The following NBEAL2 variants were observed in gnomAD, a reference collection of about 807,000 sequenced individuals.
The protein encoded by NBEAL2 is neurobeachin-like protein 2.
A neutral mutation model predicts 299.8 loss-of-function variants in NBEAL2; 160 were observed. The ratio of observed to expected loss-of-function variants is 0.53; its 90% CI spans 0.47 to 0.61. The LOEUF (loss-of-function observed/expected upper bound fraction) is 0.61. NBEAL2 is among the 20% of genes least tolerant of loss of function. NBEAL2 has a pLI of 0.00. For synonymous variants in NBEAL2, 1,493 were observed against 1,542.3 expected (o/e 0.97, Z 0.75); for missense variants, 3,112 against 3,649.0 (o/e 0.85, Z 3.79).
Position 47,009,527 on chromosome 3 carries a change from C to T in NBEAL2, c.*207C>T. ...GCCCCTCGCCGGCTGAGGGGCCGCC[C>T]TGAGGGCCAGCACTGGCGTCTGCGG... On this transcript the variant is annotated 3_prime_UTR_variant, in exon 54 of 54. Coordinates refer to ENST00000450053, the MANE Select transcript of NBEAL2 (RefSeq NM_015175.3). The T allele has an allele frequency of 3.4e-6, 2 of 591,916 alleles. No individual in the cohort carries two copies. The highest frequency in any genetic ancestry group is 5.9e-6 in the Non-Finnish European group (2 of 336,608). 36.7% of individuals were successfully genotyped at this position (591,916 alleles called of 1,614,324 possible). A position where few individuals can be genotyped will look rare whatever the true frequency, so the allele number is the denominator to read the frequency against.
rs761936137 is a variant in NBEAL2, at chr3:47,004,063, G to A, written c.5882-14G>A. Reference sequence around the variant, plus strand: ...GGGGTGAGTGACTCCCGTACCTGCTGTTCCTCCCCATAGGCATCGGCTATG... The same window carrying A: ...GGGGTGAGTGACTCCCGTACCTGCTATTCCTCCCCATAGGCATCGGCTATG... On this transcript the variant is annotated splice_polypyrimidine_tract_variant and intron_variant, in intron 36 of 53. Transcript: ENST00000450053. The surrounding 1 kb of genome is among the most constrained non-coding windows in gnomAD (Gnocchi z 5.0). 1.9e-6 allele frequency: 3 copies of A among 1,609,392 alleles called. No homozygotes were observed. Among genetic ancestry groups the A allele is most frequent in the South Asian group, 2.2e-5 (2 of 90,858 alleles).
Position 46,991,704 on chromosome 3 carries a change from C to T in NBEAL2, c.925+16C>T. 1.9e-6 allele frequency: 3 copies of T among 1,589,310 alleles called. No homozygotes were observed. The highest frequency in any genetic ancestry group is 2.6e-6 in the Non-Finnish European group (3 of 1,172,948). Reference sequence around the variant, plus strand: ...AGCATGCTCGGTGGGTATGGGCTCCCAGGCTCTTGGGGAAGGGGCACCATG... The same window carrying T: ...AGCATGCTCGGTGGGTATGGGCTCCTAGGCTCTTGGGGAAGGGGCACCATG... On this transcript the variant is annotated intron_variant, in intron 8 of 53. Transcript: ENST00000450053. The surrounding 1 kb of genome is among the most constrained non-coding windows in gnomAD (Gnocchi z 6.2).
At chr3:46,993,805 C>G (rs1157423000) in intron 10 of NBEAL2, 132 bp from the exon 11 acceptor site, 5 of 768,690 alleles carry the variant, frequency 6.5e-6, no homozygotes, top group Middle Eastern at 2.5e-4. Flanking sequence ...GCCTGGTGCT[C>G]TGACAGAGTT....
intron 12 of NBEAL2, 72 bp downstream of exon 12, chr3:46,994,625 G>A: frequency 7.6e-7 from 1 of 1,316,946 alleles, no homozygotes; most frequent in Non-Finnish European, 1.1e-6. Context: ...CAGATGGTGA[G>A]CTCTCCACCC....
chr3:46,994,541 G>T lies in NBEAL2; in HGVS notation c.1284G>T (p.Glu428Asp). Residue 428 changes from glutamate to aspartate, a missense_variant, in exon 12 of 54, where the codon GAG becomes GAT. Coordinates refer to ENST00000450053, the MANE Select transcript of NBEAL2 (RefSeq NM_015175.3). The part of the protein sequence containing the change: ...HGPPTHRLLQ[E>D]LLNMAVEGDH... ...CCCCCACCCATCGGCTGTTGCAAGA[G>T]CTGCTCAACATGGTGAGGGAAGGGG... is the stretch of plus-strand genomic sequence containing the variant. 6.3e-7 allele frequency: 1 copy of T among 1,581,964 alleles called. No individual in the cohort carries two copies. Among genetic ancestry groups the T allele is most frequent in the East Asian group, 2.3e-5 (1 of 43,626 alleles).
Position 46,989,663 on chromosome 3 carries a change from C to A in NBEAL2, c.556+70C>A. On this transcript the variant is annotated intron_variant, in intron 6 of 53. Transcript: ENST00000450053. The surrounding 1 kb of genome is among the most constrained non-coding windows in gnomAD (Gnocchi z 5.5). Reference sequence around the variant, plus strand: ...AGGCCCCTTCCTGTCGTTCCTTGATCCTGCCATACACAGGAACCACTTGGT... The same window carrying A: ...AGGCCCCTTCCTGTCGTTCCTTGATACTGCCATACACAGGAACCACTTGGT... The A allele has an allele frequency of 7.3e-7, 1 of 1,378,218 alleles. No homozygotes were observed. Among genetic ancestry groups the A allele is most frequent in the Non-Finnish European group, 1.0e-6 (1 of 990,704 alleles). The allele number at this position is 1,378,218 out of a possible 1,614,324, so 85.4% of individuals were successfully genotyped here.
chr3:46,996,907 C>T (rs756643441), intron 17 of NBEAL2, 47 bp from the exon 18 acceptor site: 11 of 1,608,570 alleles, frequency 6.8e-6, no homozygotes, highest in South Asian at 1.1e-5. Context: ...GCCTGCCACC[C>T]CCTCCTCCCT....
intron 52 of NBEAL2, 105 bp from the exon 53 acceptor site, chr3:47,008,884 C>T (rs1575633336): frequency 6.6e-7 from 1 of 1,518,972 alleles, no homozygotes; most frequent in Non-Finnish European, 8.9e-7. Context: ...TCAATTTAAC[C>T]ATCCTTAAAA....
At position 47,009,351 on chromosome 3, in the gene NBEAL2, C is replaced by T; in HGVS notation, c.*31C>T. The T allele has an allele frequency of 6.4e-7, 1 of 1,554,212 alleles. No individual in the cohort carries two copies. The highest frequency in any genetic ancestry group is 8.7e-7 in the Non-Finnish European group (1 of 1,147,966). ...GCCAGTCCGGCTGCTCGGGCCCCGC[C>T]CCCGGCAGGCCTGGCCCGGGAGGCC... On this transcript the variant is annotated 3_prime_UTR_variant, in exon 54 of 54. Transcript: ENST00000450053.
Position 47,007,865 on chromosome 3 carries a change from A to T in NBEAL2, c.7557A>T (p.Ser2519=). ...ACACCTGTGGCATCTACCTCATCTC[A>T]GGCTCCCGGGACACCACGTGCATGG... The part of the protein sequence containing the change: ...ALDTCGIYLI[S]GSRDTTCMVW... Residue 2519 remains serine, a synonymous_variant, in exon 49 of 54, where the codon TCA becomes TCT. Coordinates refer to ENST00000450053, the MANE Select transcript of NBEAL2 (RefSeq NM_015175.3). The T allele has an allele frequency of 6.2e-7, 1 of 1,613,574 alleles. No individual in the cohort carries two copies. The highest frequency in any genetic ancestry group is 8.5e-7 in the Non-Finnish European group (1 of 1,179,794).
chr3:46,991,862 A>T lies in NBEAL2; in HGVS notation c.948A>T (p.Ala316=). Residue 316 remains alanine (A), a synonymous_variant, in exon 9 of 54, where the codon GCA becomes GCT. Transcript: ENST00000450053. The surrounding 1 kb of genome is among the most constrained non-coding windows in gnomAD (Gnocchi z 6.2). Reference sequence around the variant, plus strand: ...CAGACGCCATCCCCATGATGCTGGCATGTGAAGACCGGCCAGTGCTGCAAG... The same window carrying T: ...CAGACGCCATCCCCATGATGCTGGCTTGTGAAGACCGGCCAGTGCTGCAAG... The part of the protein sequence containing the change: ...SMLDAIPMML[A]CEDRPVLQAT... 6.2e-7 allele frequency: 1 copy of T among 1,601,050 alleles called. No individual in the cohort carries two copies. Among genetic ancestry groups the T allele is most frequent in the Non-Finnish European group, 8.5e-7 (1 of 1,174,008 alleles).
At position 47,009,004 on chromosome 3, in the gene NBEAL2, G is replaced by T; in HGVS notation, c.8043G>T (p.Ala2681=). The T allele has an allele frequency of 6.3e-7, 1 of 1,599,680 alleles. No homozygotes were observed. The highest frequency in any genetic ancestry group is 8.5e-7 in the Non-Finnish European group (1 of 1,179,818). The part of the protein sequence containing the change: ...ILQLNTLLPA[A]PPLPMKVAIR... ...TCCCTTCCAGACTGCTCCCGGCCGC[G>T]CCTCCCTTGCCCATGAAGGTGGCCA... is the stretch of plus-strand genomic sequence containing the variant. Residue 2681 remains alanine, a synonymous_variant, in exon 53 of 54, where the codon GCG becomes GCT. Transcript: ENST00000450053.
At position 47,005,223 on chromosome 3, in the gene NBEAL2, C is replaced by T. The variant is rs1422268217; in HGVS notation, c.6462C>T (p.Phe2154=). 1 of 1,613,602 alleles carries T rather than the reference C, an allele frequency of 6.2e-7. No individual in the cohort carries two copies. The highest frequency in any genetic ancestry group is 8.5e-7 in the Non-Finnish European group (1 of 1,179,906). ...FEDPAGTIDK[F]HYGTHYSNAA... ...ACCCAGCAGGGACCATTGACAAGTT[C>T]CACTATGGCACCCACTACTCCAATG... Residue 2154 remains phenylalanine, a synonymous_variant, in exon 40 of 54, where the codon TTC becomes TTT. Coordinates refer to ENST00000450053, the MANE Select transcript of NBEAL2 (RefSeq NM_015175.3).
In NBEAL2 at chr3:46,988,168, C is replaced by G; in HGVS notation, c.52-501C>G. 2.1e-6 allele frequency: 2 copies of G among 934,262 alleles called. No homozygotes were observed. The highest frequency in any genetic ancestry group is 2.8e-6 in the Non-Finnish European group (2 of 717,992). The allele number at this position is 934,262 out of a possible 1,614,324, so 57.9% of individuals were successfully genotyped here. A position where few individuals can be genotyped will look rare whatever the true frequency, so the allele number is the denominator to read the frequency against. On this transcript the variant is annotated intron_variant, in intron 1 of 53. Transcript: ENST00000450053. This position sits in a 1 kb window ranked among gnomAD's most constrained non-coding sequence, Gnocchi z 4.4. ...GTCTGGGTCTGCCTGTCTAATGGTA[C>G]ACGTGTGTCCTGGGATCCACAGTTA...
At chr3:47,002,339 C>G in intron 31 of NBEAL2, 32 bp from the exon 32 acceptor site, 1 of 1,608,540 alleles carries the variant, frequency 6.2e-7, no homozygotes, top group Non-Finnish European at 8.5e-7. Flanking sequence ...GGGCCCACAT[C>G]GAGCACTGTT....
In NBEAL2 at chr3:46,989,118, A is replaced by G; in HGVS notation, c.303A>G (p.Gln101=). 1 of 1,613,770 alleles carries G rather than the reference A, an allele frequency of 6.2e-7. No individual in the cohort carries two copies. The highest frequency in any genetic ancestry group is 1.3e-5 in the African/African-American group (1 of 75,034). The part of the protein sequence containing the change: ...NLENIEAGRG[Q]VLVPRVLALL... ...AGAACATAGAGGCAGGCCGGGGCCA[A>G]GTGCTAGTGCCCCGAGTGCTGGCAC... Residue 101 remains glutamine (Q), a synonymous_variant, in exon 4 of 54, where the codon CAA becomes CAG. Coordinates refer to ENST00000450053, the MANE Select transcript of NBEAL2 (RefSeq NM_015175.3). This position sits in a 1 kb window ranked among gnomAD's most constrained non-coding sequence, Gnocchi z 5.5.
chr3:47,003,395 CTGAG>C lies in NBEAL2; in HGVS notation c.5720+89_5720+92del. On this transcript the variant is annotated intron_variant, in intron 35 of 53. Transcript: ENST00000450053. The surrounding 1 kb of genome is among the most constrained non-coding windows in gnomAD (Gnocchi z 7.0). Reference sequence around the variant, plus strand: ...TGCATGCCTCTGTGGGATCAACTCCCTGAGTGTGTCCTCTTCTGCTGCCCGACTA... The same window carrying C: ...TGCATGCCTCTGTGGGATCAACTCCCTGTGTCCTCTTCTGCTGCCCGACTA... 7.2e-6 allele frequency: 11 copies of C among 1,526,984 alleles called. No homozygotes were observed. Among genetic ancestry groups the C allele is most frequent in the Non-Finnish European group, 9.7e-6 (11 of 1,132,076 alleles). The allele number at this position is 1,526,984 out of a possible 1,614,324, so 94.6% of individuals were successfully genotyped here.
chr3:47,008,107 A>C lies in NBEAL2; in HGVS notation c.7640A>C (p.Gln2547Pro). The stretch of plus-strand genomic sequence containing the variant: ...GTAGGCCTGGCACCAAAGCCTGTGC[A>C]GGTCCTGTATGGGCATGGGGCTGCA... ...LSVGLAPKPV[Q>P]VLYGHGAAVS... The change falls in exon 50 of 54, where the codon CAG becomes CCG. Residue 2547 changes from glutamine (Q) to proline (P), a missense_variant. This residue lies in a region of NBEAL2 where 348 missense variants were observed against 381.4 expected (regional missense o/e 0.91). Transcript: ENST00000450053. The C allele has an allele frequency of 6.2e-7, 1 of 1,613,992 alleles. No homozygotes were observed. The highest frequency in any genetic ancestry group is 8.5e-7 in the Non-Finnish European group (1 of 1,179,880).
intron 10 of NBEAL2, 88 bp from the exon 11 acceptor site, chr3:46,993,849 C>A: frequency 8.2e-7 from 1 of 1,212,302 alleles, no homozygotes; most frequent in Non-Finnish European, 1.2e-6. Context: ...CCTTGGGGTG[C>A]TTGGCTCTGC....
Sources: gnomAD v4.1 joint callset for allele counts on GRCh38, gnomAD v4.1.1 for gene constraint, gnomAD v4.1.1 regional missense constraint, Gnocchi (gnomAD v3.1) non-coding constraint, MANE v1.5 for transcripts, NCBI Gene and HGNC (gene_info 2026-07-23, HGNC 2026-07-21) for gene names.